Variants in SAP30BP observed in about 807,000 individuals in gnomAD.
SAP30BP encodes SAP30-binding protein.
SAP30BP carries 31 observed loss-of-function variants against 46.3 expected under a neutral mutation model. The observed-to-expected ratio is 0.67, with a 90% CI of 0.50 to 0.90. The LOEUF is 0.90. Among genes scored for constraint, SAP30BP ranks in the 40% least tolerant of loss-of-function variants. The pLI is 0.00. For synonymous variants in SAP30BP, 169 were observed against 144.2 expected, an observed-to-expected ratio of 1.17 and a Z score of -1.23; for missense variants, 312 against 391.0, an observed-to-expected ratio of 0.80 and a Z score of 1.70.
At position 75,707,376 on chromosome 17, in the gene SAP30BP, C is replaced by G. The variant is rs2060513714; in HGVS notation, c.*855C>G. 1 of 152,758 alleles carries G rather than the reference C, an allele frequency of 6.5e-6. No homozygotes were observed. The highest frequency in any genetic ancestry group is 6.5e-5 in the Admixed American group (1 of 15,288). 9.5% of individuals were successfully genotyped at this position (152,758 alleles called of 1,614,324 possible). ...TGTGTTATCTCTGCCCCACAGCAGCCCCTGGGCAGCACCAGTGGCCACTGG... is the reference window on the plus strand; with the variant it reads ...TGTGTTATCTCTGCCCCACAGCAGCGCCTGGGCAGCACCAGTGGCCACTGG... On this transcript the variant is annotated 3_prime_UTR_variant, in exon 11 of 11. Coordinates refer to ENST00000584667, the MANE Select transcript of SAP30BP (RefSeq NM_013260.8).
chr17:75,681,223 C>G (rs1247762634), intron 3 of SAP30BP, among the ~76,000 whole-genome samples: 2 of 152,126 alleles, frequency 1.3e-5, no homozygotes, highest in Non-Finnish European at 2.9e-5. Context: ...CCTGTGGCAC[C>G]TTTGTGAGTT....
intron 3 of SAP30BP, among the ~76,000 whole-genome samples, chr17:75,681,585 G>A (rs1391165416): frequency 6.6e-6 from 1 of 152,192 alleles, no homozygotes; most frequent in Non-Finnish European, 1.5e-5. Context: ...AATCTCCCAG[G>A]AATTTGTTGT....
At chr17:75,682,746 G>A (rs1269895627) in intron 3 of SAP30BP, among the ~76,000 whole-genome samples, 4 of 151,304 alleles carry the variant, frequency 2.6e-5, no homozygotes, top group Non-Finnish European at 2.9e-5. Flanking sequence ...GGCGAATCAC[G>A]AGGTCAGGAT....
At chr17:75,705,287 G>A in intron 9 of SAP30BP, 1 of 174,406 alleles carries the variant, frequency 5.7e-6, no homozygotes, top group Non-Finnish European at 1.2e-5. Context: ...GTTCTTCAGG[G>A]AGCATCAGTT....
chr17:75,680,156 C>T (rs1227324530), intron 3 of SAP30BP, among the ~76,000 whole-genome samples: 1 of 152,064 alleles, frequency 6.6e-6, no homozygotes, highest in Admixed American at 6.5e-5. Context: ...AGGTGCTGAT[C>T]TAGGAAAAGA....
At position 75,680,801 on chromosome 17, in the gene SAP30BP, G is replaced by A. The variant is rs779699924; in HGVS notation, c.264+8938G>A. On this transcript the variant is annotated intron_variant, in intron 3 of 10. Coordinates refer to ENST00000584667, the MANE Select transcript of SAP30BP (RefSeq NM_013260.8). ...GTAATCCCAGCACTTGGGGATGCCC[G>A]AGGCAGGAGAATTGCTTGAGCACAG... Among the ~76,000 whole-genome samples, 7 of 152,322 alleles carry A rather than the reference G, an allele frequency of 4.6e-5. No homozygotes were observed. In the South Asian group the frequency reaches 6.2e-4, roughly 14 times the overall value.
chr17:75,686,779 G>T (rs997383001), intron 3 of SAP30BP, among the ~76,000 whole-genome samples: 1 of 152,202 alleles, frequency 6.6e-6, no homozygotes, highest in Admixed American at 6.5e-5. Flanking sequence ...CTCCAGTGGG[G>T]GTGGCTGGCA....
intron 2 of SAP30BP, among the ~76,000 whole-genome samples, 185 bp from the exon 3 acceptor site, chr17:75,671,631 C>T (rs1481235755): frequency 6.6e-6 from 1 of 151,408 alleles, no homozygotes; most frequent in Non-Finnish European, 1.5e-5. Context: ...TGTTTTTTTC[C>T]CCTCCAGAAT....
chr17:75,696,887 C>G (rs958002178), intron 4 of SAP30BP, among the ~76,000 whole-genome samples: 1 of 151,268 alleles, frequency 6.6e-6, no homozygotes, highest in African/African-American at 2.4e-5. Flanking sequence ...ACACCATTCT[C>G]CTGCCTCAGC....
intron 4 of SAP30BP, among the ~76,000 whole-genome samples, chr17:75,695,326 C>T (rs1352846568): frequency 1.3e-5 from 2 of 152,168 alleles, no homozygotes; most frequent in Middle Eastern, 3.2e-3. Flanking sequence ...CCAAATGTCC[C>T]CTTGGGGCAG....
At chr17:75,671,095 TC>T (rs1390968677) in intron 2 of SAP30BP, among the ~76,000 whole-genome samples, 6 of 152,160 alleles carry the variant, frequency 3.9e-5, no homozygotes, top group Non-Finnish European at 8.8e-5. Flanking sequence ...CCGTGTGTGA[TC>T]CTTTGTGTCA....
chr17:75,677,488 A>G (rs980739143), intron 3 of SAP30BP, among the ~76,000 whole-genome samples: 3 of 143,384 alleles, frequency 2.1e-5, no homozygotes, highest in Non-Finnish European at 3.0e-5. Context: ...GCTGGAGTGC[A>G]GTGGCGCAAT....
chr17:75,689,688 C>T (rs748658356), intron 3 of SAP30BP, among the ~76,000 whole-genome samples: 3 of 152,188 alleles, frequency 2.0e-5, no homozygotes, highest in Non-Finnish European at 4.4e-5. Flanking sequence ...TGGATTCATA[C>T]GAGTCAAGAC....
At chr17:75,680,057 C>G (rs1054776119) in intron 3 of SAP30BP, 1 of 152,178 alleles carries the variant, frequency 6.6e-6, no homozygotes, top group African/African-American at 2.4e-5. Flanking sequence ...CCTTTGAAAA[C>G]AAACATGGGG....
intron 3 of SAP30BP, chr17:75,693,231 C>A: frequency 1.8e-6 from 1 of 563,736 alleles, no homozygotes; most frequent in Non-Finnish European, 3.2e-6. Flanking sequence ...CGGCGTGGGG[C>A]TCGGGAGCAT....
chr17:75,687,381 T>C (rs150127486), intron 3 of SAP30BP, among the ~76,000 whole-genome samples: 6,791 of 152,228 alleles, frequency 0.045, 175 homozygotes, highest in Admixed American at 0.064. Flanking sequence ...TTTGGGAGGC[T>C]GTGGCAGGAG....
At chr17:75,694,644 G>A (rs1021587183) in intron 4 of SAP30BP, among the ~76,000 whole-genome samples, 3 of 152,178 alleles carry the variant, frequency 2.0e-5, no homozygotes, top group African/African-American at 7.2e-5. Context: ...GGCGATCCAC[G>A]GGTCGGGCGT....
At chr17:75,694,784 C>G (rs551329780) in intron 4 of SAP30BP, among the ~76,000 whole-genome samples, 2 of 152,350 alleles carry the variant, frequency 1.3e-5, no homozygotes, top group East Asian at 3.9e-4. Flanking sequence ...CTTGCTCTTG[C>G]TAGTAGTGCT....
At chr17:75,705,036 G>GC (rs1168264753) in intron 9 of SAP30BP, 10 of 536,830 alleles carry the variant, frequency 1.9e-5, no homozygotes, top group Middle Eastern at 5.1e-4. Flanking sequence ...GCTACATTGT[G>GC]CCCCCCTTTC....
Sources: gnomAD v4.1 joint callset for allele counts (sites outside exome capture counted in the v4.1 genomes callset) on GRCh38, gnomAD v4.1.1 for gene constraint, MANE v1.5 for transcripts, NCBI Gene and HGNC (gene_info 2026-07-23, HGNC 2026-07-21) for gene names.